Variants in PDIA4 observed in about 807,000 individuals in gnomAD.
PDIA4 encodes protein disulfide-isomerase A4.
Under a neutral mutation model 62.1 loss-of-function variants are expected in PDIA4, and 33 were observed. The ratio of observed to expected loss-of-function variants is 0.53; its 90% CI spans 0.40 to 0.71. The LOEUF (loss-of-function observed/expected upper bound fraction) is 0.71. Ranked by LOEUF, PDIA4 falls within the 30% of genes least tolerant of loss-of-function variation. PDIA4 has a pLI of 0.00. For synonymous variants in PDIA4, 341 were observed against 324.1 expected (o/e 1.05, Z -0.56); for missense variants, 804 against 813.6 (o/e 0.99, Z 0.14).
At chr7:149,022,233 T>C (rs1436718219) in intron 1 of PDIA4, among the ~76,000 whole-genome samples, 2 of 152,030 alleles carry the variant, frequency 1.3e-5, no homozygotes, top group Non-Finnish European at 2.9e-5. Flanking sequence ...GGGCGGGAAA[T>C]CTCATTTTAC....
At chr7:149,006,222 C>T in intron 7 of PDIA4, 169 bp from the exon 8 acceptor site, 1 of 598,848 alleles carries the variant, frequency 1.7e-6, no homozygotes, top group Middle Eastern at 4.1e-4. Flanking sequence ...TCATTCCCTA[C>T]CGTCTTTTGG....
chr7:149,025,342 C>G (rs1824514451), intron 1 of PDIA4, among the ~76,000 whole-genome samples: 1 of 152,148 alleles, frequency 6.6e-6, no homozygotes, highest in Admixed American at 6.5e-5. Context: ...GATGTCCTCA[C>G]TCTCCGTCCT....
chr7:149,023,824 C>G (rs543871274), intron 1 of PDIA4, among the ~76,000 whole-genome samples: 2 of 152,186 alleles, frequency 1.3e-5, no homozygotes, highest in East Asian at 3.8e-4. Flanking sequence ...CGTCTTCTTA[C>G]CTATGGTCGG....
intron 7 of PDIA4, among the ~76,000 whole-genome samples, chr7:149,007,679 G>C (rs1437462308): frequency 6.6e-6 from 1 of 152,214 alleles, no homozygotes; most frequent in African/African-American, 2.4e-5. Flanking sequence ...TGCAGTAATG[G>C]AAAGAAAGGC....
At chr7:149,023,457 G>A (rs548430879) in intron 1 of PDIA4, among the ~76,000 whole-genome samples, 1 of 152,182 alleles carries the variant, frequency 6.6e-6, no homozygotes, top group South Asian at 2.1e-4. Context: ...AAAAGTAATC[G>A]AGATTTTTGA....
In PDIA4 at chr7:149,018,985, A is replaced by T. The variant is rs371868524; in HGVS notation, c.475+7T>A. On this transcript the variant is annotated splice_region_variant and intron_variant, in intron 3 of 9. Transcript: ENST00000652332. Reference sequence around the variant, plus strand: ...TTCTTCCTCTACGAGCTCAGGTACCAGCTCACCTTCCTGGGTTCTGGAGCC... The same window carrying T: ...TTCTTCCTCTACGAGCTCAGGTACCTGCTCACCTTCCTGGGTTCTGGAGCC... 5 of 1,605,062 alleles carry T rather than the reference A, an allele frequency of 3.1e-6. No individual in the cohort carries two copies. The highest frequency in any genetic ancestry group is 1.7e-4 in the Middle Eastern group (1 of 5,856).
In PDIA4 at chr7:149,005,349, G is replaced by A; in HGVS notation, c.1314C>T (p.Val438=). 6.2e-7 allele frequency: 1 copy of A among 1,614,048 alleles called. No individual in the cohort carries two copies. Among genetic ancestry groups the A allele is most frequent in the Non-Finnish European group, 8.5e-7 (1 of 1,179,946 alleles). ...RAATQFWRSK[V]LEVAKDFPEY... is the part of the protein sequence containing the mutation. Reference sequence around the variant, plus strand: ...CAGGGAAGTCCTTGGCCACCTCTAGGACTTTGCTCCGCCAAAACTGAGTTG... The same window carrying A: ...CAGGGAAGTCCTTGGCCACCTCTAGAACTTTGCTCCGCCAAAACTGAGTTG... The change falls in exon 9 of 10, where the codon GTC becomes GTT. Residue 438 remains valine (V), a synonymous_variant. Coordinates refer to ENST00000652332, the MANE Select transcript of PDIA4 (RefSeq NM_004911.5).
chr7:149,024,333 C>G (rs990087530), intron 1 of PDIA4, among the ~76,000 whole-genome samples: 4 of 13,584 alleles, frequency 2.9e-4, no homozygotes, highest in Non-Finnish European at 4.7e-3. Flanking sequence ...AGGCCCCTAC[C>G]TTTCCATTTC....
At chr7:149,027,969 A>C (rs772043347) in intron 1 of PDIA4, 5 of 516,288 alleles carry the variant, frequency 9.7e-6, no homozygotes, top group South Asian at 7.7e-5. Context: ...GTTCGCCTGG[A>C]GTTAGCCTGG....
At position 149,006,044 on chromosome 7, in the gene PDIA4, G is replaced by A. The variant is rs1181757126; in HGVS notation, c.1141C>T (p.Gln381Ter). ...ACGAAGTCCTTGATGGCCGAGTCCT[G>A]GGTGGAGCCCTGCTTCAAAGAGGGA... ...SHMMDVQGST[Q>*]DSAIKDFVLK... The change falls in exon 8 of 10, where the codon CAG becomes TAG. Residue 381 changes from glutamine to a stop codon, truncating the protein, a stop_gained. Transcript: ENST00000652332. LOFTEE classifies it high-confidence loss of function. The A allele has an allele frequency of 6.4e-7, 1 of 1,560,666 alleles. No individual in the cohort carries two copies. Among genetic ancestry groups the A allele is most frequent in the Non-Finnish European group, 8.6e-7 (1 of 1,160,678 alleles).
chr7:149,018,710 G>C (rs1824232152), intron 3 of PDIA4, among the ~76,000 whole-genome samples: 2 of 152,042 alleles, frequency 1.3e-5, no homozygotes, highest in South Asian at 4.1e-4. Flanking sequence ...GGGGTTACAG[G>C]TGTGAGCCAC....
chr7:149,008,942 T>C lies in PDIA4; in HGVS notation c.980-632A>G, dbSNP rs74495970. ...AGGAGTTAGTTCATTTATTATTTAT[T>C]TGAGACGGGGTCTTGCTCTGTCCCC... is the stretch of plus-strand genomic sequence containing the variant. On this transcript the variant is annotated intron_variant, in intron 6 of 9. Transcript: ENST00000652332. 4.4e-3 allele frequency among the ~76,000 whole-genome samples: 677 copies of C among 152,228 alleles called. 3 individuals carry two copies. The highest frequency in any genetic ancestry group is 0.016 in the African/African-American group (645 of 41,510).
At chr7:149,025,319 C>T (rs1049004599) in intron 1 of PDIA4, among the ~76,000 whole-genome samples, 8 of 152,252 alleles carry the variant, frequency 5.3e-5, no homozygotes, top group Middle Eastern at 3.4e-3. Flanking sequence ...CAGACACAGG[C>T]AGCTCCTTTT....
intron 7 of PDIA4, among the ~76,000 whole-genome samples, chr7:149,006,481 C>T (rs1032964580): frequency 1.3e-5 from 2 of 152,228 alleles, no homozygotes; most frequent in African/African-American, 2.4e-5. Flanking sequence ...TCACAGACAT[C>T]GCCCTCCAGG....
chr7:149,019,513 A>G (rs1483842212), intron 2 of PDIA4, among the ~76,000 whole-genome samples: 1 of 152,206 alleles, frequency 6.6e-6, no homozygotes, highest in Non-Finnish European at 1.5e-5. Context: ...TGAGGTCAGG[A>G]GTTTGAGACC....
At position 149,012,328 on chromosome 7, in the gene PDIA4, T is replaced by C; in HGVS notation, c.647A>G (p.Tyr216Cys). 1.2e-6 allele frequency: 2 copies of C among 1,613,754 alleles called. No homozygotes were observed. Among genetic ancestry groups the C allele is most frequent in the Non-Finnish European group, 1.7e-6 (2 of 1,180,042 alleles). ...CGHCKKLAPE[Y>C]EKAAKELSKR... ...GCTGAGCTCCTTGGCGGCCTTCTCA[T>C]ACTCGGGGGCAAGTTTCTTGCAGTG... The change falls in exon 5 of 10, where the codon TAT becomes TGT. Residue 216 changes from tyrosine to cysteine, a missense_variant. Coordinates refer to ENST00000652332, the MANE Select transcript of PDIA4 (RefSeq NM_004911.5).
chr7:149,012,415 T>TA (rs1488496467), intron 4 of PDIA4, 55 bp from the exon 5 acceptor site: 2 of 1,471,202 alleles, frequency 1.4e-6, no homozygotes, highest in African/African-American at 2.8e-5. Flanking sequence ...ACTCACTTTC[T>TA]AGCTAAATGA....
At chr7:149,010,642 TTCATCCCCCAGCCGCCCTC>T (rs1374992058) in intron 6 of PDIA4, among the ~76,000 whole-genome samples, 2 of 152,142 alleles carry the variant, frequency 1.3e-5, no homozygotes, top group East Asian at 3.9e-4. Flanking sequence ...CACAGACCCT[TTCATCCCCCAGCCGCCCTC>T]TCTGCTCCGG....
At chr7:149,016,790 C>T (rs990552727) in intron 3 of PDIA4, among the ~76,000 whole-genome samples, 2 of 152,138 alleles carry the variant, frequency 1.3e-5, no homozygotes, top group African/African-American at 4.8e-5. Context: ...GGATTACAGG[C>T]GTGAACCACC....
Sources: allele counts gnomAD v4.1 joint callset (sites outside exome capture counted in the v4.1 genomes callset), GRCh38; gene constraint gnomAD v4.1.1; transcripts MANE v1.5; gene names NCBI Gene and HGNC (gene_info 2026-07-23, HGNC 2026-07-21).